The following CHODL variants were observed in gnomAD, a reference collection of about 807,000 sequenced individuals.
CHODL encodes the protein chondrolectin, also known as transmembrane protein MT75.
A neutral mutation model predicts 34.5 loss-of-function variants in CHODL; 29 were observed. The ratio of observed to expected loss-of-function variants is 0.84; its 90% CI spans 0.63 to 1.15. The LOEUF (loss-of-function observed/expected upper bound fraction) is 1.15. Ranked by LOEUF, CHODL falls within the 50% of genes most tolerant of loss-of-function variation. The pLI is 0.00. For missense variants in CHODL, 332 were observed against 332.5 expected, an observed-to-expected ratio of 1.00 and a Z score of 0.01; for synonymous variants, 125 against 116.1, an observed-to-expected ratio of 1.08 and a Z score of -0.49.
chr21:18,044,043 T>G (rs1352449943), intron 2 of CHODL, among the ~76,000 whole-genome samples: 1 of 152,036 alleles, frequency 6.6e-6, no homozygotes, highest in East Asian at 1.9e-4. Flanking sequence ...GAGATTTGGG[T>G]AGGGACACAG....
intron 2 of CHODL, among the ~76,000 whole-genome samples, chr21:18,178,544 AT>A (rs1201111999): frequency 6.6e-6 from 1 of 152,240 alleles, no homozygotes; most frequent in Non-Finnish European, 1.5e-5. Context: ...TAAACTATTG[AT>A]TAACACATAT....
chr21:18,014,295 C>A (rs545293634), intron 1 of CHODL, among the ~76,000 whole-genome samples: 3 of 152,230 alleles, frequency 2.0e-5, no homozygotes, highest in East Asian at 3.9e-4. Context: ...TACTACACAG[C>A]CATTAAAAAG....
intron 2 of CHODL, among the ~76,000 whole-genome samples, chr21:18,234,159 T>C (rs1435506841): frequency 1.3e-5 from 2 of 152,148 alleles, no homozygotes; most frequent in Non-Finnish European, 2.9e-5. Context: ...AAAACAAATA[T>C]GTTCTCTCGT....
At chr21:18,032,152 A>G (rs1369726464) in intron 2 of CHODL, among the ~76,000 whole-genome samples, 2 of 152,086 alleles carry the variant, frequency 1.3e-5, no homozygotes, top group African/African-American at 4.8e-5. Context: ...ATTGTACAAC[A>G]TGGCAACTGT....
intron 1 of CHODL, among the ~76,000 whole-genome samples, chr21:18,004,117 T>C (rs1226777408): frequency 6.6e-6 from 1 of 152,150 alleles, no homozygotes; most frequent in Non-Finnish European, 1.5e-5. Flanking sequence ...AAAGTAAAAA[T>C]TTTTAGTAGC....
chr21:18,024,423 C>G (rs532104666), intron 1 of CHODL, among the ~76,000 whole-genome samples: 39 of 152,238 alleles, frequency 2.6e-4, no homozygotes, highest in Admixed American at 1.9e-3. Flanking sequence ...AAATTCTAAA[C>G]TGGTTTATTT....
chr21:17,948,431 AAAT>A (rs1293567842), intron 1 of CHODL, among the ~76,000 whole-genome samples: 1 of 152,054 alleles, frequency 6.6e-6, no homozygotes, highest in Non-Finnish European at 1.5e-5. Context: ...AGAAGGGTGG[AAAT>A]AATAAAGATC....
At chr21:18,097,356 TAAAAC>T (rs1195322711) in intron 2 of CHODL, among the ~76,000 whole-genome samples, 1 of 152,032 alleles carries the variant, frequency 6.6e-6, no homozygotes, top group Non-Finnish European at 1.5e-5. Flanking sequence ...TTAAAACTGG[TAAAAC>T]AAATTGAGTA....
chr21:18,145,616 A>G (rs1269486493), intron 2 of CHODL, among the ~76,000 whole-genome samples: 2 of 152,124 alleles, frequency 1.3e-5, no homozygotes, highest in Non-Finnish European at 1.5e-5. Flanking sequence ...TTCGGGGTCA[A>G]TGTGTTCAAG....
At chr21:18,237,921 C>T (rs572914665) in intron 2 of CHODL, among the ~76,000 whole-genome samples, 40 of 152,178 alleles carry the variant, frequency 2.6e-4, no homozygotes, top group African/African-American at 7.9e-4. Flanking sequence ...TAAATAAATA[C>T]GCCCACAATT....
intron 1 of CHODL, among the ~76,000 whole-genome samples, chr21:17,994,412 A>G (rs2063827930): frequency 6.6e-6 from 1 of 152,122 alleles, no homozygotes; most frequent in African/African-American, 2.4e-5. Flanking sequence ...CACCAGTGCA[A>G]TGTCATGCTA....
intron 2 of CHODL, among the ~76,000 whole-genome samples, chr21:18,124,662 T>C (rs1280141808): frequency 6.6e-6 from 1 of 150,708 alleles, no homozygotes; most frequent in Non-Finnish European, 1.5e-5. Flanking sequence ...GTCTGGATCA[T>C]GTGAAACACA....
intron 2 of CHODL, among the ~76,000 whole-genome samples, chr21:18,069,223 T>C (rs2064767270): frequency 6.6e-6 from 1 of 152,174 alleles, no homozygotes; most frequent in South Asian, 2.1e-4. Flanking sequence ...GACAATTCCT[T>C]CTGAGCAATG....
intron 1 of CHODL, among the ~76,000 whole-genome samples, chr21:18,247,001 G>A (rs1442370288): frequency 6.6e-6 from 1 of 152,054 alleles, no homozygotes; most frequent in African/African-American, 2.4e-5. Flanking sequence ...AATTAGTTAT[G>A]TTTTCCTTAT....
chr21:17,971,736 T>C (rs1322627395), intron 1 of CHODL, among the ~76,000 whole-genome samples: 1 of 152,140 alleles, frequency 6.6e-6, no homozygotes, highest in African/African-American at 2.4e-5. Flanking sequence ...AGAGAGGAGC[T>C]GGTACCATTC....
At chr21:18,120,072 C>T (rs973877872) in intron 2 of CHODL, among the ~76,000 whole-genome samples, 1 of 152,040 alleles carries the variant, frequency 6.6e-6, no homozygotes, top group Non-Finnish European at 1.5e-5. Context: ...AAATATTCCC[C>T]AGTAGCTCTT....
intron 2 of CHODL, among the ~76,000 whole-genome samples, chr21:18,202,730 AT>A (rs1253994549): frequency 6.6e-6 from 1 of 152,218 alleles, no homozygotes; most frequent in African/African-American, 2.4e-5. Context: ...TTTCTTAGTG[AT>A]TTTATATAAA....
At chr21:18,155,202 G>T (rs780243761) in intron 2 of CHODL, among the ~76,000 whole-genome samples, 1 of 152,130 alleles carries the variant, frequency 6.6e-6, no homozygotes, top group Admixed American at 6.5e-5. Flanking sequence ...TAAAAGTCAG[G>T]TTGAAGAAAG....
intron 2 of CHODL, among the ~76,000 whole-genome samples, chr21:18,193,898 C>T (rs1217017212): frequency 1.3e-5 from 2 of 151,972 alleles, no homozygotes; most frequent in Admixed American, 6.6e-5. Context: ...GCCCTAGAAA[C>T]CTGCCCCCCC....
Sources: allele counts gnomAD v4.1 joint callset (sites outside exome capture counted in the v4.1 genomes callset), GRCh38; gene constraint gnomAD v4.1.1; transcripts MANE v1.5; gene names NCBI Gene and HGNC (gene_info 2026-07-23, HGNC 2026-07-21).